The following RABGAP1L variants were observed in gnomAD, a reference collection of about 807,000 sequenced individuals.
RABGAP1L encodes the protein RAB GTPase activating protein 1 like.
A neutral mutation model predicts 137.7 loss-of-function variants in RABGAP1L; 63 were observed. The observed-to-expected ratio is 0.46, with a 90% CI of 0.37 to 0.56. The LOEUF is 0.56. Ranked by LOEUF, RABGAP1L falls within the 20% of genes least tolerant of loss-of-function variation. The probability of loss-of-function intolerance (pLI) is 0.00; values close to 1 mark genes in which losing one functional copy is unlikely to be tolerated. For missense variants in RABGAP1L, 1,095 were observed against 1,244.0 expected (o/e 0.88, Z 1.80); for synonymous variants, 431 against 433.7 (o/e 0.99, Z 0.08).
intron 10 of RABGAP1L, among the ~76,000 whole-genome samples, chr1:174,301,869 A>C (rs1041328028): frequency 3.9e-5 from 6 of 152,234 alleles, no homozygotes; most frequent in Admixed American, 3.3e-4. Context: ...GCTGGGGATC[A>C]ATCAGAGGAA....
chr1:174,749,229 G>GCATA (rs1271473352), intron 17 of RABGAP1L, among the ~76,000 whole-genome samples: 2 of 150,604 alleles, frequency 1.3e-5, no homozygotes, highest in Admixed American at 6.6e-5. Flanking sequence ...GTGATGTGAA[G>GCATA]CATACATTCA....
chr1:174,311,398 A>G (rs1678838307), intron 11 of RABGAP1L, among the ~76,000 whole-genome samples: 3 of 152,172 alleles, frequency 2.0e-5, no homozygotes, highest in Admixed American at 6.5e-5. Flanking sequence ...ACAACTGGGG[A>G]CTACAATTCA....
At chr1:174,481,818 T>C (rs1473738867) in intron 13 of RABGAP1L, among the ~76,000 whole-genome samples, 1 of 148,828 alleles carries the variant, frequency 6.7e-6, no homozygotes, top group East Asian at 2.0e-4. Flanking sequence ...GGCACATGTA[T>C]ACATATGTAA....
intron 11 of RABGAP1L, among the ~76,000 whole-genome samples, chr1:174,321,023 G>C (rs1382605397): frequency 1.2e-4 from 18 of 152,218 alleles, no homozygotes; most frequent in South Asian, 2.1e-4. Flanking sequence ...TCTCAGCAAG[G>C]AACAGCCCTG....
chr1:174,182,294 C>A (rs1335190835), intron 1 of RABGAP1L, among the ~76,000 whole-genome samples: 1 of 152,024 alleles, frequency 6.6e-6, no homozygotes, highest in Non-Finnish European at 1.5e-5. Flanking sequence ...AGCTAATTAC[C>A]AGAATTAGTG....
intron 19 of RABGAP1L, among the ~76,000 whole-genome samples, chr1:174,911,751 C>G (rs1660086493): frequency 6.6e-6 from 1 of 152,174 alleles, no homozygotes; most frequent in African/African-American, 2.4e-5. Context: ...CAGAGTTGCA[C>G]TATGCTTGCC....
At chr1:174,827,632 A>G (rs1053753232) in intron 19 of RABGAP1L, among the ~76,000 whole-genome samples, 1 of 147,058 alleles carries the variant, frequency 6.8e-6, no homozygotes, top group African/African-American at 2.5e-5. Flanking sequence ...AGCATACCCA[A>G]CATCACCCAT....
intron 13 of RABGAP1L, among the ~76,000 whole-genome samples, chr1:174,597,644 A>G (rs762334958): frequency 1.3e-5 from 2 of 151,964 alleles, no homozygotes; most frequent in Non-Finnish European, 2.9e-5. Flanking sequence ...TTTTCAAAAA[A>G]CTTTTCGAAC....
At chr1:174,295,733 A>AC (rs1412304651) in intron 10 of RABGAP1L, among the ~76,000 whole-genome samples, 3 of 147,898 alleles carry the variant, frequency 2.0e-5, no homozygotes, top group African/African-American at 5.0e-5. Context: ...TGTCCAGTCT[A>AC]GTCTCAAACA....
At chr1:174,437,940 C>G (rs1486833441) in intron 13 of RABGAP1L, among the ~76,000 whole-genome samples, 2 of 152,174 alleles carry the variant, frequency 1.3e-5, no homozygotes, top group African/African-American at 4.8e-5. Context: ...AAAGAATTTT[C>G]AACCCAGAAT....
At chr1:174,966,774 C>T (rs1057004564) in intron 20 of RABGAP1L, among the ~76,000 whole-genome samples, 1 of 152,086 alleles carries the variant, frequency 6.6e-6, no homozygotes, top group South Asian at 2.1e-4. Context: ...GAGTTCCTCA[C>T]AAGGCACCAC....
chr1:174,726,321 A>T (rs1456125568), intron 17 of RABGAP1L, among the ~76,000 whole-genome samples: 1 of 151,908 alleles, frequency 6.6e-6, no homozygotes, highest in Non-Finnish European at 1.5e-5. Flanking sequence ...TGCCCAGTCC[A>T]GTCTCAAAGT....
intron 19 of RABGAP1L, among the ~76,000 whole-genome samples, chr1:174,867,707 G>A (rs2987875): frequency 0.33 from 50,631 of 151,968 alleles, 10,190 homozygotes; most frequent in African/African-American, 0.56. Flanking sequence ...CTGCAGTGAC[G>A]TGATCTCAGC....
intron 11 of RABGAP1L, among the ~76,000 whole-genome samples, chr1:174,365,526 T>A (rs1240397713): frequency 6.6e-6 from 1 of 152,094 alleles, no homozygotes; most frequent in South Asian, 2.1e-4. Flanking sequence ...GATGGATGTT[T>A]CCCTGCTGGC....
At chr1:174,543,684 T>C (rs1311394645) in intron 13 of RABGAP1L, among the ~76,000 whole-genome samples, 1 of 152,230 alleles carries the variant, frequency 6.6e-6, no homozygotes, top group Non-Finnish European at 1.5e-5. Context: ...AGTTTCTTCC[T>C]AGCCTCGATG....
chr1:174,799,090 G>A (rs1688500038), intron 18 of RABGAP1L, among the ~76,000 whole-genome samples: 1 of 152,162 alleles, frequency 6.6e-6, no homozygotes, highest in Non-Finnish European at 1.5e-5. Flanking sequence ...AAGGTCTGTG[G>A]CATACAAAAG....
At chr1:174,528,183 A>G (rs938201186) in intron 13 of RABGAP1L, among the ~76,000 whole-genome samples, 1 of 152,080 alleles carries the variant, frequency 6.6e-6, no homozygotes, top group African/African-American at 2.4e-5. Flanking sequence ...TTGCTGTCAT[A>G]TAGTCAATTG....
chr1:174,664,730 C>CT lies in RABGAP1L; in HGVS notation c.1825-18789dup, dbSNP rs747671420. ...CTCTCTCTTTCTTTCTTTCTTTCTG[C>CT]TTTCTTTTTTTTTTTTTTTTTTTTT... On this transcript the variant is annotated intron_variant, in intron 14 of 25. Transcript: ENST00000681986. 5.2e-4 allele frequency among the ~76,000 whole-genome samples: 51 copies of CT among 98,886 alleles called. 5 individuals carry two copies. Among genetic ancestry groups the CT allele is most frequent in the African/African-American group, 1.7e-3 (27 of 15,664 alleles). The allele number at this position is 98,886 out of a possible 152,430, so 64.9% of individuals were successfully genotyped here.
intron 14 of RABGAP1L, among the ~76,000 whole-genome samples, chr1:174,644,102 G>A (rs1674759747): frequency 6.6e-6 from 1 of 151,912 alleles, no homozygotes; most frequent in Admixed American, 6.6e-5. Context: ...GTATTAGTAG[G>A]ATAGACTTTA....
Sources: gnomAD v4.1 joint callset for allele counts (sites outside exome capture counted in the v4.1 genomes callset) on GRCh38, gnomAD v4.1.1 for gene constraint, MANE v1.5 for transcripts, NCBI Gene and HGNC (gene_info 2026-07-23, HGNC 2026-07-21) for gene names.